Variants in MACF1 observed in about 807,000 individuals in gnomAD.
The protein encoded by MACF1 is microtubule-actin cross-linking factor 1.
MACF1 carries 193 observed loss-of-function variants against 854.8 expected under a neutral mutation model. The observed-to-expected ratio is 0.23, with a 90% confidence interval of 0.20 to 0.25. The LOEUF is 0.25. Among genes scored for constraint, MACF1 ranks in the 10% least tolerant of loss-of-function variants. The pLI is 1.00. For missense variants in MACF1, 7,722 were observed against 8,929.1 expected (o/e 0.86, Z 5.45); for synonymous variants, 3,185 against 3,226.7 (o/e 0.99, Z 0.44).
At chr1:39,249,957 G>T in intron 2 of MACF1, 57 bp from the exon 3 acceptor site, 4 of 906,482 alleles carry the variant, frequency 4.4e-6, no homozygotes, top group South Asian at 1.5e-5. Flanking sequence ...TTTTTATGTG[G>T]ATAGTATAAT....
intron 68 of MACF1, among the ~76,000 whole-genome samples, 166 bp from the exon 69 acceptor site, chr1:39,434,248 T>G (rs776792292): frequency 2.6e-5 from 4 of 152,052 alleles, no homozygotes; most frequent in Non-Finnish European, 4.4e-5. Context: ...AAATTTCAGA[T>G]AAGTATGAAG....
intron 2 of MACF1, among the ~76,000 whole-genome samples, chr1:39,100,234 A>G (rs12117367): frequency 0.15 from 22,091 of 152,100 alleles, 2,064 homozygotes; most frequent in Non-Finnish European, 0.21. Context: ...CTGCCTCTAA[A>G]TAAATAAATA....
At position 39,336,624 on chromosome 1, in the gene MACF1, G is replaced by C; in HGVS notation, c.10036G>C (p.Val3346Leu). ...ACCTGAAGGAAAGGGAAATGGAGGT[G>C]TAAACCCAGAGCCCTTCAGAGCAAC... ...TAPEGKGNGG[V>L]NPEPFRATQN... The change falls in exon 37 of 101, where the codon GTA (valine) becomes CTA (leucine). Residue 3346 changes from valine (V) to leucine (L), a missense_variant. This residue lies in a region of MACF1 where 854 missense variants were observed against 852.6 expected (regional missense o/e 1.00). Coordinates refer to ENST00000564288, the MANE Select transcript of MACF1 (RefSeq NM_001394062.1). The C allele has an allele frequency of 6.2e-7, 1 of 1,612,642 alleles. No homozygotes were observed. Among genetic ancestry groups the C allele is most frequent in the East Asian group, 2.2e-5 (1 of 44,862 alleles).
intron 95 of MACF1, among the ~76,000 whole-genome samples, chr1:39,465,775 C>CT (rs1570179839): frequency 6.6e-6 from 1 of 152,320 alleles, no homozygotes; most frequent in East Asian, 1.9e-4. Flanking sequence ...TGAGTAAAAT[C>CT]TGTCTCTCTG....
chr1:39,434,616 A>C lies in MACF1; in HGVS notation c.17768A>C (p.Gln5923Pro). Reference sequence around the variant, plus strand: ...ATTGATCATGAGCAGCTCAGGCAGCAACAAGAGGAAATGAGGGTAAGGAGC... The same window carrying C: ...ATTGATCATGAGCAGCTCAGGCAGCCACAAGAGGAAATGAGGGTAAGGAGC... Reference protein sequence around the residue: ...PAIDHEQLRQQQEEMRQLRES... With the variant: ...PAIDHEQLRQPQEEMRQLRES... Residue 5923 changes from glutamine to proline, a missense_variant, in exon 69 of 101, where the codon CAA (glutamine) becomes CCA (proline). This residue lies in a region of MACF1 where 2,807 missense variants were observed against 3,235.8 expected (regional missense o/e 0.87). Coordinates refer to ENST00000564288, the MANE Select transcript of MACF1 (RefSeq NM_001394062.1). 1 of 1,614,156 alleles carries C rather than the reference A, an allele frequency of 6.2e-7. No homozygotes were observed. Among genetic ancestry groups the C allele is most frequent in the East Asian group, 2.2e-5 (1 of 44,884 alleles).
At chr1:39,357,345 C>G (rs769137867) in intron 44 of MACF1, 30 bp from the exon 45 acceptor site, 1 of 1,597,994 alleles carries the variant, frequency 6.3e-7, no homozygotes, top group Middle Eastern at 1.7e-4. Context: ...TACTGATTGT[C>G]CTTTGTTTGG....
At position 39,282,291 on chromosome 1, in the gene MACF1, T is replaced by G. The variant is rs751251008; in HGVS notation, c.612T>G (p.Ala204=). The change falls in exon 7 of 101, where the codon GCT becomes GCG. Residue 204 remains alanine, a synonymous_variant. Transcript: ENST00000564288. ...KLLLWTQKVT[A]GYTGIKCTNF... ...TCCTGTGGACCCAGAAGGTGACAGC[T>G]GGTTACACAGGAATCAAATGCACCA... 7 of 1,614,164 alleles carry G rather than the reference T, an allele frequency of 4.3e-6. No homozygotes were observed. In the East Asian group the frequency reaches 1.6e-4, roughly 36 times the overall value.
intron 2 of MACF1, among the ~76,000 whole-genome samples, chr1:39,132,759 G>T (rs1034555521): frequency 2.0e-5 from 3 of 152,108 alleles, no homozygotes; most frequent in Non-Finnish European, 2.9e-5. Context: ...TTTGATGTGT[G>T]GGGGGTGGGA....
At chr1:39,112,590 A>C (rs1332089614) in intron 2 of MACF1, among the ~76,000 whole-genome samples, 1 of 152,098 alleles carries the variant, frequency 6.6e-6, no homozygotes, top group Non-Finnish European at 1.5e-5. Context: ...AGGCACAAGA[A>C]TTACTTGAAC....
At chr1:39,440,191 C>T (rs1644081510) in intron 72 of MACF1, among the ~76,000 whole-genome samples, 1 of 141,820 alleles carries the variant, frequency 7.1e-6, no homozygotes, top group African/African-American at 2.7e-5. Context: ...TGGTTCACTG[C>T]AGCATCCACC....
chr1:39,403,839 G>C (rs537457199), intron 58 of MACF1, among the ~76,000 whole-genome samples: 3,592 of 134,832 alleles, frequency 0.027, 106 homozygotes, highest in East Asian at 0.16. Context: ...AAAATTTTTG[G>C]GCGGGGGGGC....
chr1:39,296,221 G>T (rs1645897226), intron 20 of MACF1, among the ~76,000 whole-genome samples: 1 of 152,076 alleles, frequency 6.6e-6, no homozygotes, highest in Non-Finnish European at 1.5e-5. Flanking sequence ...TTCACAAAGT[G>T]GCTGTGTTTC....
rs1642605600 is a variant in MACF1 at position 39,404,305 on chromosome 1, T to C, written c.15816+15647T>C. On this transcript the variant is annotated intron_variant, in intron 58 of 100. Coordinates refer to ENST00000564288, the MANE Select transcript of MACF1 (RefSeq NM_001394062.1). ...AGACAACATGGTAAAACCCCATCTCTACTAAAAATACAAAAATTAGCTGGG... is the reference window on the plus strand; with the variant it reads ...AGACAACATGGTAAAACCCCATCTCCACTAAAAATACAAAAATTAGCTGGG... 7.9e-5 allele frequency among the ~76,000 whole-genome samples: 12 copies of C among 151,456 alleles called. No homozygotes were observed. The South Asian group carries it at 2.5e-3, about 32-fold the overall frequency.
At chr1:39,223,515 ATTTT>A (rs767574940) in intron 1 of MACF1, among the ~76,000 whole-genome samples, 1 of 145,048 alleles carries the variant, frequency 6.9e-6, no homozygotes, top group African/African-American at 2.5e-5. Context: ...ATGCTATTTA[ATTTT>A]TTTTTTTTTT....
chr1:39,296,781 A>G (rs1193444363), intron 20 of MACF1, among the ~76,000 whole-genome samples: 1,281 of 65,242 alleles, frequency 0.02, 35 homozygotes, highest in Middle Eastern at 0.048. Context: ...GAAAAGAAAG[A>G]AAGAAAGAAA....
chr1:39,468,827 G>C lies in MACF1; in HGVS notation c.21889+95G>C, dbSNP rs56272884. 63,680 of 1,164,498 alleles carry C rather than the reference G, an allele frequency of 0.055. 2,174 individuals are homozygous for C. The highest frequency in any genetic ancestry group is 0.068 in the Non-Finnish European group (53,556 of 783,868). 72.1% of individuals were successfully genotyped at this position (1,164,498 alleles called of 1,614,324 possible). On this transcript the variant is annotated intron_variant, in intron 96 of 100. Coordinates refer to ENST00000564288, the MANE Select transcript of MACF1 (RefSeq NM_001394062.1). ...GAAGCATTGATGGTGGGGTCTGTCT[G>C]TTTTTTATTTTGTTAAGCTGCCCAG...
intron 69 of MACF1, among the ~76,000 whole-genome samples, chr1:39,435,203 A>G (rs561579856): frequency 2.0e-5 from 3 of 152,224 alleles, no homozygotes; most frequent in Non-Finnish European, 2.9e-5. Context: ...GAGGTAGACA[A>G]TTATTAAACC....
chr1:39,413,966 C>T, intron 58 of MACF1: 1 of 1,606,934 alleles, frequency 6.2e-7, no homozygotes, highest in South Asian at 1.1e-5. Context: ...CTAGCAGCTG[C>T]AGTGTCCAAC....
chr1:39,458,114 A>C, intron 89 of MACF1: 1 of 376,292 alleles, frequency 2.7e-6, no homozygotes, highest in South Asian at 5.0e-5. Flanking sequence ...AAGGCCATTC[A>C]TGAGGAATTT....
Sources: gnomAD v4.1 joint callset for allele counts (sites outside exome capture counted in the v4.1 genomes callset) on GRCh38, gnomAD v4.1.1 for gene constraint, gnomAD v4.1.1 regional missense constraint, MANE v1.5 for transcripts, NCBI Gene and HGNC (gene_info 2026-07-23, HGNC 2026-07-21) for gene names.